Variants in AGAP1 observed in about 807,000 individuals in gnomAD.
The protein encoded by AGAP1 is arf-GAP with GTPase, ANK repeat and PH domain-containing protein 1.
Under a neutral mutation model 105.3 loss-of-function variants are expected in AGAP1, and 29 were observed. The observed-to-expected ratio is 0.28, with a 90% CI of 0.21 to 0.38. The LOEUF (loss-of-function observed/expected upper bound fraction) is 0.38. AGAP1 is among the 10% of genes least tolerant of loss of function. The pLI, the probability that AGAP1 is intolerant of heterozygous loss-of-function variation, is 1.00. For missense variants in AGAP1, 998 were observed against 1,165.1 expected (o/e 0.86, Z 2.09); for synonymous variants, 509 against 485.9 (o/e 1.05, Z -0.63).
Position 235,570,753 on chromosome 2 carries a change from T to C in AGAP1, c.163+75904T>C, listed in dbSNP as rs945192976. On this transcript the variant is annotated intron_variant, in intron 1 of 17. Transcript: ENST00000304032. ...CCTTGAGCCTCGGTTTCTTCCTCTA[T>C]GAAGTGGAGATAATGGCAAACATCT... Among the ~76,000 whole-genome samples the C allele has an allele frequency of 5.3e-5, 8 of 152,350 alleles. 1 individual carries two copies. Among genetic ancestry groups the C allele is most frequent in the African/African-American group, 1.2e-4 (5 of 41,572 alleles).
rs1250549898 is a variant in AGAP1, at chr2:236,040,174, A to G, written c.1801-577A>G. ...CAAGCCATCAAGTGTAAGGTTAAGA[A>G]TCAGCACTCCCAGCTATACTCGTGT... On this transcript the variant is annotated intron_variant, in intron 14 of 17. Coordinates refer to ENST00000304032, the MANE Select transcript of AGAP1 (RefSeq NM_001037131.3). The surrounding 1 kb of genome is among the most constrained non-coding windows in gnomAD (Gnocchi z 5.6). Among the ~76,000 whole-genome samples the G allele has an allele frequency of 1.3e-5, 2 of 152,208 alleles. No individual in the cohort carries two copies. Among genetic ancestry groups the G allele is most frequent in the African/African-American group, 2.4e-5 (1 of 41,450 alleles).
rs895074438 is a variant in AGAP1, at chr2:235,599,346, T to C, written c.163+104497T>C. Among the ~76,000 whole-genome samples the C allele has an allele frequency of 2.0e-5, 3 of 152,010 alleles. No individual in the cohort carries two copies. The highest frequency in any genetic ancestry group is 4.4e-5 in the Non-Finnish European group (3 of 68,016). ...GCCCCAATTTTGCCCAGGAGGAGTC[T>C]GGTGATGGAGAAGGTGTGGCGGGCA... On this transcript the variant is annotated intron_variant, in intron 1 of 17. Coordinates refer to ENST00000304032, the MANE Select transcript of AGAP1 (RefSeq NM_001037131.3). The surrounding 1 kb of genome is among the most constrained non-coding windows in gnomAD (Gnocchi z 5.3).
intron 6 of AGAP1, among the ~76,000 whole-genome samples, chr2:235,795,214 G>C (rs1207121967): frequency 1.3e-5 from 2 of 152,174 alleles, no homozygotes; most frequent in East Asian, 3.9e-4. Context: ...GGGAAGGACT[G>C]CGGATGTCTT....
At chr2:235,686,750 CTTAA>C (rs1949471257) in intron 1 of AGAP1, among the ~76,000 whole-genome samples, 2 of 147,308 alleles carry the variant, frequency 1.4e-5, no homozygotes, top group East Asian at 4.0e-4. Flanking sequence ...CAGCCATGGG[CTTAA>C]GCAGTCTTCC....
At chr2:235,907,111 G>A (rs2051343939) in intron 10 of AGAP1, among the ~76,000 whole-genome samples, 1 of 152,172 alleles carries the variant, frequency 6.6e-6, no homozygotes, top group Non-Finnish European at 1.5e-5. Context: ...CTGTGTCCCA[G>A]CAGCTTCCTC....
In AGAP1 at chr2:236,049,181, G is replaced by A. The variant is rs768502535; in HGVS notation, c.2014G>A (p.Glu672Lys). Residue 672 changes from glutamate to lysine, a missense_variant, in exon 16 of 18, where the codon GAG becomes AAG. Physicochemically the swap from Glu to Lys is moderately conservative, Grantham distance 56 (BLOSUM62 1). Coordinates refer to ENST00000304032, the MANE Select transcript of AGAP1 (RefSeq NM_001037131.3). The stretch of plus-strand genomic sequence containing the variant: ...TCTGGACCTGGATGACTGGCCAGTC[G>A]AGCTCATCAAGGTGATGTCATCCAT... Reference protein sequence around the residue: ...RSLDLDDWPVELIKVMSSIGN... With the variant: ...RSLDLDDWPVKLIKVMSSIGN... The A allele has an allele frequency of 2.5e-6, 4 of 1,613,982 alleles. No individual in the cohort carries two copies. The highest frequency in any genetic ancestry group is 2.2e-5 in the East Asian group (1 of 44,882).
At position 235,555,865 on chromosome 2, in the gene AGAP1, G is replaced by T. The variant is rs996579621; in HGVS notation, c.163+61016G>T. On this transcript the variant is annotated intron_variant, in intron 1 of 17. Coordinates refer to ENST00000304032, the MANE Select transcript of AGAP1 (RefSeq NM_001037131.3). This position sits in a 1 kb window ranked among gnomAD's most constrained non-coding sequence, Gnocchi z 5.1. ...GTGTGAGGCCTGAGTTTGCAGGTTT[G>T]TGCAGGGCATTGATTGGTTGGTTGG... is the stretch of plus-strand genomic sequence containing the variant. Among the ~76,000 whole-genome samples the T allele has an allele frequency of 1.3e-5, 2 of 152,216 alleles. No individual in the cohort carries two copies. Among genetic ancestry groups the T allele is most frequent in the African/African-American group, 4.8e-5 (2 of 41,450 alleles).
chr2:235,929,258 T>C (rs7593724), intron 11 of AGAP1, among the ~76,000 whole-genome samples: 95,135 of 151,906 alleles, frequency 0.63, 30,626 homozygotes, highest in South Asian at 0.8. Flanking sequence ...GCACACAGAT[T>C]GCCTGGGATC....
At chr2:235,683,179 C>T (rs1177915306) in intron 1 of AGAP1, among the ~76,000 whole-genome samples, 1 of 151,482 alleles carries the variant, frequency 6.6e-6, no homozygotes, top group African/African-American at 2.4e-5. Flanking sequence ...TGGTGGCACA[C>T]ACTTGTAATC....
At chr2:235,679,253 C>T (rs1301981834) in intron 1 of AGAP1, among the ~76,000 whole-genome samples, 1 of 152,170 alleles carries the variant, frequency 6.6e-6, no homozygotes, top group African/African-American at 2.4e-5. Context: ...ACTGTGCAGC[C>T]CAGCACCATA....
At position 235,931,047 on chromosome 2, in the gene AGAP1, C is replaced by A; in HGVS notation, c.1483+124C>A. Reference sequence around the variant, plus strand: ...GGGAGCGCAGCACCCTGTGGGGCGGCTGCATCAGAGACTCACATCTTGCCT... The same window carrying A: ...GGGAGCGCAGCACCCTGTGGGGCGGATGCATCAGAGACTCACATCTTGCCT... On this transcript the variant is annotated intron_variant, in intron 12 of 17. Transcript: ENST00000304032. This position sits in a 1 kb window ranked among gnomAD's most constrained non-coding sequence, Gnocchi z 5.6. The A allele has an allele frequency of 8.8e-7, 1 of 1,135,332 alleles. No homozygotes were observed. The highest frequency in any genetic ancestry group is 1.2e-6 in the Non-Finnish European group (1 of 829,410). The allele number at this position is 1,135,332 out of a possible 1,614,324, so 70.3% of individuals were successfully genotyped here.
rs1194965108 is a variant in AGAP1, at chr2:235,859,398, C to G, written c.1051-23947C>G. 2.5e-4 allele frequency among the ~76,000 whole-genome samples: 21 copies of G among 84,142 alleles called. 1 individual carries two copies. The highest frequency in any genetic ancestry group is 2.7e-4 in the Admixed American group (2 of 7,358). 55.2% of individuals were successfully genotyped at this position (84,142 alleles called of 152,430 possible). On this transcript the variant is annotated intron_variant, in intron 9 of 17. Coordinates refer to ENST00000304032, the MANE Select transcript of AGAP1 (RefSeq NM_001037131.3). The stretch of plus-strand genomic sequence containing the variant: ...GCAACTCTCCCCCCACAACCTCCCC[C>G]CCCCCCCCCGCCTTTTGTTCCATCC...
chr2:235,951,369 AT>A lies in AGAP1; in HGVS notation c.1484-17091del, dbSNP rs145150798. On this transcript the variant is annotated intron_variant, in intron 12 of 17. Transcript: ENST00000304032. This position sits in a 1 kb window ranked among gnomAD's most constrained non-coding sequence, Gnocchi z 4.2. ...CCAGCAGTTACCAGCCCCAGGTACG[AT>A]TATGGACAATGCTGTCAGTCATCGT... is the stretch of plus-strand genomic sequence containing the variant. Among the ~76,000 whole-genome samples the A allele has an allele frequency of 0.023, 3,551 of 152,308 alleles. 149 individuals are homozygous for A. The highest frequency in any genetic ancestry group is 0.081 in the African/African-American group (3,361 of 41,546).
chr2:235,709,575 A>G (rs1171448211), intron 2 of AGAP1, among the ~76,000 whole-genome samples: 1 of 151,498 alleles, frequency 6.6e-6, no homozygotes, highest in Non-Finnish European at 1.5e-5. Flanking sequence ...CCTTTGCAGG[A>G]TGTCACGGAA....
At chr2:235,846,150 G>A (rs1413427511) in intron 9 of AGAP1, among the ~76,000 whole-genome samples, 1 of 152,118 alleles carries the variant, frequency 6.6e-6, no homozygotes, top group African/African-American at 2.4e-5. Context: ...AGACATCCTT[G>A]TAAATCATTT....
In AGAP1 at chr2:236,127,421, GTA is replaced by G. The variant is rs1275716113; in HGVS notation, c.*3305_*3306del. 1 of 152,228 alleles carries G rather than the reference GTA, an allele frequency of 6.6e-6. No homozygotes were observed. Among genetic ancestry groups the G allele is most frequent in the Non-Finnish European group, 1.5e-5 (1 of 68,068 alleles). The allele number at this position is 152,228 out of a possible 1,614,324, so 9.4% of individuals were successfully genotyped here. On this transcript the variant is annotated 3_prime_UTR_variant, in exon 18 of 18. Coordinates refer to ENST00000304032, the MANE Select transcript of AGAP1 (RefSeq NM_001037131.3). The surrounding 1 kb of genome is among the most constrained non-coding windows in gnomAD (Gnocchi z 6.6). ...CCTGTCTCCCAAGTGTGTGCACAAT[GTA>G]TATATGCACTGGAAAGGAGGGAGAA... is the stretch of plus-strand genomic sequence containing the variant.
rs1243604661 is a variant in AGAP1 at position 235,962,193 on chromosome 2, C to A, written c.1484-6269C>A. Among the ~76,000 whole-genome samples, 3 of 152,008 alleles carry A rather than the reference C, an allele frequency of 2.0e-5. 1 individual carries two copies. The highest frequency in any genetic ancestry group is 4.4e-5 in the Non-Finnish European group (3 of 68,014). ...CCCTTGGAGAGTGGGAAGTGGGTTA[C>A]TACAGAAGTGAGGTAGGATTGAAGG... On this transcript the variant is annotated intron_variant, in intron 12 of 17. Transcript: ENST00000304032. The surrounding 1 kb of genome is among the most constrained non-coding windows in gnomAD (Gnocchi z 5.3).
rs1186953652 is a variant in AGAP1, at chr2:235,621,957, A to T, written c.164-87222A>T. Among the ~76,000 whole-genome samples the T allele has an allele frequency of 6.6e-6, 1 of 151,876 alleles. No homozygotes were observed. Among genetic ancestry groups the T allele is most frequent in the African/African-American group, 2.4e-5 (1 of 41,360 alleles). On this transcript the variant is annotated intron_variant, in intron 1 of 17. Coordinates refer to ENST00000304032, the MANE Select transcript of AGAP1 (RefSeq NM_001037131.3). This position sits in a 1 kb window ranked among gnomAD's most constrained non-coding sequence, Gnocchi z 4.1. The stretch of plus-strand genomic sequence containing the variant: ...GTGTGGATGTTTCTGACGGCCTCTT[A>T]CAGACTCTGTCCTTTTTGTTGTAGC...
Position 236,040,815 on chromosome 2 carries a change from C to A in AGAP1, c.1865C>A (p.Ser622Tyr), listed in dbSNP as rs1313210101. The A allele has an allele frequency of 6.2e-7, 1 of 1,614,160 alleles. No homozygotes were observed. Among genetic ancestry groups the A allele is most frequent in the Admixed American group, 1.7e-5 (1 of 60,024 alleles). ...TCGATCCGGAACATGCGCGGGAACT[C>A]CCACTGTGTGGACTGCGAGACCCAG... Reference protein sequence around the residue: ...LQSIRNMRGNSHCVDCETQNP... With the variant: ...LQSIRNMRGNYHCVDCETQNP... Residue 622 changes from serine to tyrosine, a missense_variant, in exon 15 of 18, where the codon TCC becomes TAC. Physicochemically the swap from Ser to Tyr is moderately radical, Grantham distance 144 (BLOSUM62 -2). Transcript: ENST00000304032. This position sits in a 1 kb window ranked among gnomAD's most constrained non-coding sequence, Gnocchi z 5.6.
Sources: allele counts gnomAD v4.1 joint callset (sites outside exome capture counted in the v4.1 genomes callset), GRCh38; gene constraint gnomAD v4.1.1; non-coding constraint Gnocchi (gnomAD v3.1); transcripts MANE v1.5; gene names NCBI Gene and HGNC (gene_info 2026-07-23, HGNC 2026-07-21).